The following CLIP1 variants were observed in gnomAD, a reference collection of about 807,000 sequenced individuals.
CLIP1 encodes the protein CAP-Gly domain-containing linker protein 1.
A neutral mutation model predicts 161.6 loss-of-function variants in CLIP1; 66 were observed. The observed-to-expected ratio is 0.41, with a 90% CI of 0.33 to 0.50. The LOEUF is 0.50. Among genes scored for constraint, CLIP1 ranks in the 20% least tolerant of loss-of-function variants. The pLI is 0.27. For synonymous variants in CLIP1, 598 were observed against 626.2 expected, an observed-to-expected ratio of 0.96 and a Z score of 0.67; for missense variants, 1,376 against 1,702.0, an observed-to-expected ratio of 0.81 and a Z score of 3.37.
chr12:122,318,009 T>G (rs1951336182), intron 18 of CLIP1, among the ~76,000 whole-genome samples: 1 of 152,242 alleles, frequency 6.6e-6, no homozygotes, highest in Non-Finnish European at 1.5e-5. Context: ...TTAATGCTTT[T>G]ATACTTTTAG....
rs1954804708 is a variant in CLIP1, at chr12:122,377,548, G to A, written c.498C>T (p.Asn166=). ...CTGGCTGTGATGGTTTCTGAGGGAT[G>A]TTTGAAGGGGTGGAGGGGGAGGAAG... is the stretch of plus-strand genomic sequence containing the variant. The part of the protein sequence containing the change: ...MVSSSPSTPS[N]IPQKPSQPAA... Residue 166 remains asparagine (N), a synonymous_variant, in exon 3 of 26, where the codon AAC becomes AAT. Transcript: ENST00000620786. 1 of 1,613,902 alleles carries A rather than the reference G, an allele frequency of 6.2e-7. No homozygotes were observed. Among genetic ancestry groups the A allele is most frequent in the Admixed American group, 1.7e-5 (1 of 59,964 alleles).
At chr12:122,297,069 G>C (rs1457187683) in intron 20 of CLIP1, among the ~76,000 whole-genome samples, 1 of 146,442 alleles carries the variant, frequency 6.8e-6, no homozygotes, top group African/African-American at 2.8e-5. Flanking sequence ...GGGGAAAAAA[G>C]GGAGAGTTAA....
At chr12:122,395,214 T>A (rs1173299913) in intron 1 of CLIP1, among the ~76,000 whole-genome samples, 4 of 152,216 alleles carry the variant, frequency 2.6e-5, no homozygotes, top group African/African-American at 7.2e-5. Context: ...ACACTTTCTA[T>A]TCAACTGTGG....
At position 122,355,486 on chromosome 12, in the gene CLIP1, G is replaced by C. The variant is rs997512503; in HGVS notation, c.1006-174C>G. The C allele has an allele frequency of 1.7e-6, 1 of 602,530 alleles. No homozygotes were observed. The highest frequency in any genetic ancestry group is 2.0e-5 in the South Asian group (1 of 50,538). 37.3% of individuals were successfully genotyped at this position (602,530 alleles called of 1,614,324 possible). A position where few individuals can be genotyped will look rare whatever the true frequency, so the allele number is the denominator to read the frequency against. ...AAACACAAGACAGTGTGTGCCTTCT[G>C]TCTATAAATCTCACAAAGAATACAT... On this transcript the variant is annotated intron_variant, in intron 5 of 25. Transcript: ENST00000620786. This position sits in a 1 kb window ranked among gnomAD's most constrained non-coding sequence, Gnocchi z 4.1.
Position 122,341,464 on chromosome 12 carries a change from C to T in CLIP1, c.1740G>A (p.Arg580=), listed in dbSNP as rs1351302978. Residue 580 remains arginine (R), a synonymous_variant, in exon 11 of 26, where the codon CGG becomes CGA. Coordinates refer to ENST00000620786, the MANE Select transcript of CLIP1 (RefSeq NM_001247997.2). ...TTATCTCCTTCTGATGAGTTTCTTC[C>T]CGGGCTCCAAAATGCTCCTTCAGAG... is the stretch of plus-strand genomic sequence containing the variant. ...ITSLKEHFGA[R]EETHQKEIKA... 2 of 1,613,202 alleles carry T rather than the reference C, an allele frequency of 1.2e-6. No individual in the cohort carries two copies. Among genetic ancestry groups the T allele is most frequent in the Non-Finnish European group, 1.7e-6 (2 of 1,179,506 alleles).
intron 1 of CLIP1, among the ~76,000 whole-genome samples, chr12:122,417,510 C>CTTTT (rs35179677): frequency 9.5e-6 from 1 of 104,802 alleles, no homozygotes; most frequent in Non-Finnish European, 2.0e-5. Flanking sequence ...ATTATTCTGC[C>CTTTT]TTTTTTTTTT....
At position 122,271,579 on chromosome 12, in the gene CLIP1, C is replaced by T. The variant is rs888790764; in HGVS notation, c.*1296G>A. The T allele has an allele frequency of 2.0e-5, 3 of 152,548 alleles. No homozygotes were observed. The highest frequency in any genetic ancestry group is 4.4e-5 in the Non-Finnish European group (3 of 68,028). The allele number at this position is 152,548 out of a possible 1,614,324, so 9.4% of individuals were successfully genotyped here. On this transcript the variant is annotated 3_prime_UTR_variant, in exon 26 of 26. Transcript: ENST00000620786. The stretch of plus-strand genomic sequence containing the variant: ...TGGTACCAGATTGAATATTCACTGT[C>T]GAACACACAGTTGATAATCTTGAGG...
intron 17 of CLIP1, among the ~76,000 whole-genome samples, chr12:122,320,134 C>T (rs1333172978): frequency 2.6e-5 from 4 of 151,772 alleles, no homozygotes; most frequent in Non-Finnish European, 5.9e-5. Context: ...ACTAGCTGGC[C>T]GTGGTGGCGG....
At chr12:122,393,663 G>C (rs1955765260) in intron 1 of CLIP1, among the ~76,000 whole-genome samples, 1 of 152,078 alleles carries the variant, frequency 6.6e-6, no homozygotes, top group Admixed American at 6.6e-5. Flanking sequence ...TGTAATCCCA[G>C]CACTTTGGGA....
chr12:122,288,563 C>G (rs780938471), intron 20 of CLIP1, 22 bp from the exon 21 acceptor site: 8 of 1,600,796 alleles, frequency 5.0e-6, no homozygotes, highest in African/African-American at 1.3e-5. Context: ...ACACAAAAAA[C>G]TTCAGTTCAT....
chr12:122,346,934 T>TCTTG (rs1952780873), intron 10 of CLIP1, among the ~76,000 whole-genome samples: 1 of 152,014 alleles, frequency 6.6e-6, no homozygotes, highest in Admixed American at 6.6e-5. Context: ...CATTTCCTTC[T>TCTTG]CCAAGAGGCC....
chr12:122,324,391 C>A (rs1475502598), intron 17 of CLIP1: 1 of 152,224 alleles, frequency 6.6e-6, no homozygotes, highest in Admixed American at 6.6e-5. Context: ...ACTACAGAAA[C>A]AAAAGATGGA....
At chr12:122,280,775 C>A (rs1955614897) in intron 21 of CLIP1, 3 of 152,154 alleles carry the variant, frequency 2.0e-5, no homozygotes. Flanking sequence ...AGGAAAATGA[C>A]AAAAATACTT....
intron 1 of CLIP1, among the ~76,000 whole-genome samples, chr12:122,381,749 C>G (rs1247822157): frequency 6.6e-6 from 1 of 152,222 alleles, no homozygotes; most frequent in Non-Finnish European, 1.5e-5. Flanking sequence ...CCAGGGATGA[C>G]AAAGGTACAT....
chr12:122,374,462 T>C (rs1356066275), intron 3 of CLIP1, among the ~76,000 whole-genome samples: 1 of 138,388 alleles, frequency 7.2e-6, no homozygotes, highest in Admixed American at 7.2e-5. Flanking sequence ...CTACTAAAAA[T>C]ACCAAAAAAA....
At chr12:122,291,379 G>A (rs1366631096) in intron 20 of CLIP1, among the ~76,000 whole-genome samples, 9 of 151,366 alleles carry the variant, frequency 5.9e-5, no homozygotes, top group East Asian at 1.9e-4. Flanking sequence ...TAGTAGAGAC[G>A]GGGTTTCATC....
intron 15 of CLIP1, 101 bp from the exon 16 acceptor site, chr12:122,328,527 A>C: frequency 7.3e-6 from 5 of 686,334 alleles, no homozygotes; most frequent in Non-Finnish European, 8.3e-6. Flanking sequence ...TATTTTCAAA[A>C]GTTATGTGTA....
chr12:122,348,685 G>A (rs1242541779), intron 9 of CLIP1, among the ~76,000 whole-genome samples: 1 of 152,012 alleles, frequency 6.6e-6, no homozygotes, highest in Non-Finnish European at 1.5e-5. Flanking sequence ...CAGAATCAGT[G>A]ACTGACAAGG....
rs748213899 is a variant in CLIP1 at position 122,332,939 on chromosome 12, C to A, written c.2867+48G>T. On this transcript the variant is annotated intron_variant, in intron 15 of 25. Coordinates refer to ENST00000620786, the MANE Select transcript of CLIP1 (RefSeq NM_001247997.2). ...GTCTCCCCTCCCACCTAGAGCTTGC[C>A]GCAGAGCCTAACCTAAGGTCAGCAC... The A allele has an allele frequency of 5.9e-6, 9 of 1,528,630 alleles. No individual in the cohort carries two copies. In the East Asian group the frequency reaches 1.2e-4, roughly 20 times the overall value. The allele number at this position is 1,528,630 out of a possible 1,614,324, so 94.7% of individuals were successfully genotyped here.
Sources: gnomAD v4.1 joint callset for allele counts (sites outside exome capture counted in the v4.1 genomes callset) on GRCh38, gnomAD v4.1.1 for gene constraint, Gnocchi (gnomAD v3.1) non-coding constraint, MANE v1.5 for transcripts, NCBI Gene and HGNC (gene_info 2026-07-23, HGNC 2026-07-21) for gene names.